Variants in TRHR observed in about 807,000 individuals in gnomAD.
TRHR encodes thyrotropin releasing hormone receptor.
Under a neutral mutation model 28.0 loss-of-function variants are expected in TRHR, and 14 were observed. The ratio of observed to expected loss-of-function variants is 0.50; its 90% CI spans 0.33 to 0.78. The LOEUF (loss-of-function observed/expected upper bound fraction) is 0.78. Among genes scored for constraint, TRHR ranks in the 30% least tolerant of loss-of-function variants. The probability of loss-of-function intolerance (pLI) is 0.02; values close to 1 mark genes in which losing one functional copy is unlikely to be tolerated. For synonymous variants in TRHR, 176 were observed against 171.9 expected, an observed-to-expected ratio of 1.02 and a Z score of -0.18; for missense variants, 438 against 469.5, an observed-to-expected ratio of 0.93 and a Z score of 0.62.
intron 2 of TRHR, among the ~76,000 whole-genome samples, chr8:109,105,397 G>T (rs997022034): frequency 1.3e-5 from 2 of 152,150 alleles, no homozygotes; most frequent in Non-Finnish European, 2.9e-5. Context: ...TGTCTTACAT[G>T]TGTGACAATT....
At chr8:109,101,249 G>A (rs1811673644) in intron 2 of TRHR, among the ~76,000 whole-genome samples, 1 of 152,170 alleles carries the variant, frequency 6.6e-6, no homozygotes, top group Non-Finnish European at 1.5e-5. Flanking sequence ...TGAGGATAGG[G>A]AAGAAAATGA....
intron 2 of TRHR, among the ~76,000 whole-genome samples, chr8:109,102,484 A>G (rs1021031770): frequency 1.1e-4 from 16 of 152,306 alleles, no homozygotes; most frequent in African/African-American, 3.6e-4. Flanking sequence ...GACGTATCCA[A>G]TACATGTTTG....
Position 109,087,733 on chromosome 8 carries a change from T to C in TRHR, c.221T>C (p.Val74Ala), listed in dbSNP as rs777572355. The change falls in exon 2 of 3, where the codon GTC becomes GCC. Residue 74 changes from valine (V) to alanine (A), a missense_variant. Physicochemically the swap from Val to Ala is moderately conservative, Grantham distance 64 (BLOSUM62 0). Transcript: ENST00000518632. ...AGCCTGGCAGTAGCTGATCTCATGG[T>C]CTTGGTGGCCGCAGGCCTCCCCAAC... ...LVSLAVADLM[V>A]LVAAGLPNIT... 10 of 1,614,180 alleles carry C rather than the reference T, an allele frequency of 6.2e-6. No homozygotes were observed. The highest frequency in any genetic ancestry group is 7.6e-6 in the Non-Finnish European group (9 of 1,180,034).
At chr8:109,109,443 A>T (rs1324771553) in intron 2 of TRHR, among the ~76,000 whole-genome samples, 4 of 143,448 alleles carry the variant, frequency 2.8e-5, no homozygotes, top group African/African-American at 1.0e-4. Flanking sequence ...TAAGTATAAT[A>T]AAAAAAAAAA....
At chr8:109,112,186 T>G (rs1431789953) in intron 2 of TRHR, among the ~76,000 whole-genome samples, 24 of 152,178 alleles carry the variant, frequency 1.6e-4, no homozygotes, top group Admixed American at 1.5e-3. Flanking sequence ...AGCCACAGCC[T>G]TTATTTCCAA....
intron 2 of TRHR, among the ~76,000 whole-genome samples, chr8:109,102,472 T>C (rs1415169891): frequency 6.6e-6 from 1 of 152,150 alleles, no homozygotes; most frequent in Non-Finnish European, 1.5e-5. Flanking sequence ...ATCTGGTACA[T>C]GGACGTATCC....
In TRHR at chr8:109,119,116, G is replaced by C. The variant is rs1197645833; in HGVS notation, c.858G>C (p.Val286=). The C allele has an allele frequency of 6.2e-7, 1 of 1,612,880 alleles. No homozygotes were observed. The highest frequency in any genetic ancestry group is 8.5e-7 in the Non-Finnish European group (1 of 1,179,240). The change falls in exon 3 of 3, where the codon GTG becomes GTC. Residue 286 remains valine, a synonymous_variant. Transcript: ENST00000518632. ...TATGGATGCCCTACAGGACTCTAGTGGTTGTCAACTCATTTCTCTCCAGTC... is the reference window on the plus strand; with the variant it reads ...TATGGATGCCCTACAGGACTCTAGTCGTTGTCAACTCATTTCTCTCCAGTC... The part of the protein sequence containing the change: ...ALLWMPYRTL[V]VVNSFLSSPF...
At chr8:109,096,059 T>G (rs2129884459) in intron 2 of TRHR, among the ~76,000 whole-genome samples, 1 of 152,308 alleles carries the variant, frequency 6.6e-6, no homozygotes, top group East Asian at 1.9e-4. Flanking sequence ...ACTATTTGCA[T>G]AATTTTTACA....
At chr8:109,110,661 A>C (rs947940292) in intron 2 of TRHR, among the ~76,000 whole-genome samples, 1 of 152,146 alleles carries the variant, frequency 6.6e-6, no homozygotes, top group Non-Finnish European at 1.5e-5. Context: ...AGAAATCCAT[A>C]AGTAATGCAC....
intron 2 of TRHR, among the ~76,000 whole-genome samples, chr8:109,101,016 T>C (rs1317305749): frequency 2.0e-5 from 3 of 152,158 alleles, no homozygotes; most frequent in Non-Finnish European, 2.9e-5. Context: ...TTATTTAGTA[T>C]ATATATGAAA....
intron 2 of TRHR, among the ~76,000 whole-genome samples, chr8:109,102,083 G>A (rs1811685651): frequency 1.3e-5 from 2 of 152,002 alleles, no homozygotes; most frequent in Admixed American, 6.6e-5. Flanking sequence ...AAGGTGTTGG[G>A]GAAATAAATA....
Position 109,119,760 on chromosome 8 carries a change from T to C in TRHR, c.*305T>C, listed in dbSNP as rs1006547363. ...ATTTTCTGGACTTATAGAGTTTCAATAAAATCTAGACATCAATTTACATTA... is the reference window on the plus strand; with the variant it reads ...ATTTTCTGGACTTATAGAGTTTCAACAAAATCTAGACATCAATTTACATTA... On this transcript the variant is annotated 3_prime_UTR_variant, in exon 3 of 3. Transcript: ENST00000518632. Among the ~76,000 whole-genome samples, 10 of 151,942 alleles carry C rather than the reference T, an allele frequency of 6.6e-5. No homozygotes were observed. The highest frequency in any genetic ancestry group is 2.4e-4 in the African/African-American group (10 of 41,416).
intron 2 of TRHR, among the ~76,000 whole-genome samples, chr8:109,092,080 C>T (rs943637067): frequency 1.3e-5 from 2 of 152,146 alleles, no homozygotes; most frequent in Non-Finnish European, 2.9e-5. Flanking sequence ...AATGTAATAT[C>T]AATAAATACA....
intron 2 of TRHR, among the ~76,000 whole-genome samples, chr8:109,116,082 C>T (rs1420131178): frequency 8.5e-5 from 13 of 152,070 alleles, no homozygotes; most frequent in Admixed American, 8.5e-4. Flanking sequence ...GTCGTTGGTT[C>T]TGTTTATAAG....
At chr8:109,115,093 C>T (rs551235638) in intron 2 of TRHR, among the ~76,000 whole-genome samples, 4 of 152,104 alleles carry the variant, frequency 2.6e-5, no homozygotes, top group East Asian at 1.9e-4. Flanking sequence ...TATCACCATA[C>T]ACCCTATACG....
intron 2 of TRHR, among the ~76,000 whole-genome samples, chr8:109,094,692 T>A (rs1554598600): frequency 3.3e-5 from 5 of 151,768 alleles, no homozygotes; most frequent in Non-Finnish European, 7.4e-5. Context: ...TGTTTATTCC[T>A]AATTTTATAT....
In TRHR at chr8:109,088,285, TA is replaced by T. The variant is rs1448967358; in HGVS notation, c.774del (p.Ser259LeufsTer14). On this transcript the variant is annotated frameshift_variant, in exon 2 of 3. Coordinates refer to ENST00000518632, the MANE Select transcript of TRHR (RefSeq NM_003301.7). LOFTEE classifies it high-confidence loss of function. ...TCTAATAGATGTTTCAACAGCACAG[TA>T]TCTTCAAGGAAGCAGGTAAGCAAAA... ...NTSNRCFNST[V>X]SSRKQVTKML... 1.9e-6 allele frequency: 3 copies of T among 1,613,774 alleles called. 1 individual carries two copies. In the Admixed American group the frequency reaches 5.0e-5, roughly 27 times the overall value.
At chr8:109,105,480 T>C (rs1300446679) in intron 2 of TRHR, among the ~76,000 whole-genome samples, 1 of 152,188 alleles carries the variant, frequency 6.6e-6, no homozygotes, top group East Asian at 1.9e-4. Context: ...AGTACTCTTT[T>C]AGACCTTGGG....
At chr8:109,094,488 C>G (rs1811560491) in intron 2 of TRHR, among the ~76,000 whole-genome samples, 1 of 151,988 alleles carries the variant, frequency 6.6e-6, no homozygotes, top group Non-Finnish European at 1.5e-5. Context: ...GTGTAAATAT[C>G]TCTAAGTTCA....
Sources: gnomAD v4.1 joint callset for allele counts (sites outside exome capture counted in the v4.1 genomes callset) on GRCh38, gnomAD v4.1.1 for gene constraint, MANE v1.5 for transcripts, NCBI Gene and HGNC (gene_info 2026-07-23, HGNC 2026-07-21) for gene names.